DLG5: variants seen among roughly 807,000 people sequenced by gnomAD.
DLG5 encodes the protein disks large homolog 5.
A neutral mutation model predicts 189.8 loss-of-function variants in DLG5; 48 were observed. The ratio of observed to expected loss-of-function variants is 0.25; its 90% confidence interval spans 0.20 to 0.32. The LOEUF (loss-of-function observed/expected upper bound fraction) is 0.32. DLG5 is among the 10% of genes least tolerant of loss of function. DLG5 has a pLI of 1.00. For missense variants in DLG5, 2,160 were observed against 2,544.7 expected (o/e 0.85, Z 3.25); for synonymous variants, 1,016 against 1,054.1 (o/e 0.96, Z 0.70).
chr10:77,806,637 T>C (rs1841485884), intron 26 of DLG5, 121 bp downstream of exon 26: 3 of 1,340,912 alleles, frequency 2.2e-6, no homozygotes, highest in Non-Finnish European at 1.0e-6. Flanking sequence ...GAAGCTAAGA[T>C]AAGAAGCAGA....
intron 27 of DLG5, among the ~76,000 whole-genome samples, chr10:77,803,884 GCAT>G (rs1400398904): frequency 8.3e-6 from 1 of 120,916 alleles, no homozygotes; most frequent in Admixed American, 1.0e-4. Flanking sequence ...TAACAGGTTG[GCAT>G]TTTTTTTTTT....
intron 5 of DLG5, among the ~76,000 whole-genome samples, chr10:77,847,935 A>G (rs576249446): frequency 3.3e-5 from 5 of 152,162 alleles, no homozygotes; most frequent in African/African-American, 1.2e-4. Flanking sequence ...TTGAACTCCT[A>G]GACTCAAGTG....
intron 13 of DLG5, among the ~76,000 whole-genome samples, chr10:77,828,424 T>C (rs546350075): frequency 7.0e-6 from 1 of 142,670 alleles, no homozygotes; most frequent in East Asian, 2.1e-4. Context: ...AAGTCAGAGG[T>C]TGCAGTGAGC....
intron 15 of DLG5, 69 bp downstream of exon 15, chr10:77,821,013 A>T (rs1842318628): frequency 3.3e-6 from 5 of 1,527,484 alleles, no homozygotes; most frequent in Non-Finnish European, 4.4e-6. Flanking sequence ...AGGGCCACTT[A>T]GCAGCCCTCC....
chr10:77,868,097 C>A (rs1564563422), intron 2 of DLG5: 1 of 456,422 alleles, frequency 2.2e-6, no homozygotes, highest in South Asian at 1.5e-5. Flanking sequence ...CGTGGCCTCA[C>A]TGACACTTTG....
intron 1 of DLG5, among the ~76,000 whole-genome samples, chr10:77,883,433 C>T (rs1456343127): frequency 6.6e-6 from 1 of 152,000 alleles, no homozygotes; most frequent in African/African-American, 2.4e-5. Context: ...GTGAAGACAG[C>T]CTGCTGACAC....
In DLG5 at chr10:77,816,601, C is replaced by A; in HGVS notation, c.3975G>T (p.Leu1325Phe). The stretch of plus-strand genomic sequence containing the variant: ...ACGCGGGGTTGACAGCGATTCTGGG[C>A]AATGTGGAGGCTGAGGTCTGGGACT... ...CSQSQTSAST[L>F]PRIAVNPASL... Residue 1325 changes from leucine (L) to phenylalanine (F), a missense_variant, in exon 20 of 32, where the codon TTG becomes TTT. Transcript: ENST00000372391. 6.2e-7 allele frequency: 1 copy of A among 1,614,124 alleles called. No homozygotes were observed. The highest frequency in any genetic ancestry group is 1.6e-4 in the Middle Eastern group (1 of 6,062).
intron 23 of DLG5, 71 bp downstream of exon 23, chr10:77,811,023 A>C: frequency 6.5e-7 from 1 of 1,549,660 alleles, no homozygotes; most frequent in Non-Finnish European, 8.7e-7. Flanking sequence ...TGCCCACGCC[A>C]CTTGGAGAAT....
At chr10:77,882,188 A>C (rs1003207189) in intron 1 of DLG5, among the ~76,000 whole-genome samples, 3 of 152,172 alleles carry the variant, frequency 2.0e-5, no homozygotes, top group Non-Finnish European at 4.4e-5. Flanking sequence ...GGGAGGCACA[A>C]AGTGACCCCA....
chr10:77,871,927 T>A (rs1276991478), intron 1 of DLG5, among the ~76,000 whole-genome samples: 1 of 152,152 alleles, frequency 6.6e-6, no homozygotes, highest in Non-Finnish European at 1.5e-5. Context: ...TAAAGTCAAA[T>A]GCAATTCGGG....
chr10:77,904,415 T>C (rs1427238656), intron 1 of DLG5, among the ~76,000 whole-genome samples: 1 of 152,042 alleles, frequency 6.6e-6, no homozygotes, highest in East Asian at 1.9e-4. Flanking sequence ...GAGGGCATGA[T>C]TGGTTTTGAA....
intron 1 of DLG5, among the ~76,000 whole-genome samples, chr10:77,901,689 A>G (rs1845931854): frequency 6.6e-6 from 1 of 152,180 alleles, no homozygotes; most frequent in African/African-American, 2.4e-5. Flanking sequence ...GGATGCAGCA[A>G]CCCCTGGCAA....
At chr10:77,926,880 G>A (rs1846717861), upstream of DLG5, 1 of 322,064 alleles carries the variant, frequency 3.1e-6, no homozygotes, top group Non-Finnish European at 6.4e-6. This position sits in a 1 kb window ranked among gnomAD's most constrained non-coding sequence, Gnocchi z 5.2. Context: ...CTCCGCGCGC[G>A]CCGCCCGCCC....
rs758571220 is a variant in DLG5 at position 77,819,924 on chromosome 10, G to A, written c.3497C>T (p.Pro1166Leu). 1.2e-6 allele frequency: 2 copies of A among 1,603,176 alleles called. No homozygotes were observed. Among genetic ancestry groups the A allele is most frequent in the Non-Finnish European group, 1.7e-6 (2 of 1,175,070 alleles). The change falls in exon 16 of 32, where the codon CCC becomes CTC. Residue 1166 changes from proline (P) to leucine (L), a missense_variant. Around this residue, in one of 5 missense-constraint regions of DLG5, gnomAD observed 754 missense variants for 746.5 expected, o/e 1.01. Transcript: ENST00000372391. The part of the protein sequence containing the change: ...SPGHSSRHSN[P>L]PLYPSRPSVG... ...AGACGGCCTGCTAGGGTATAGCGGG[G>A]GGTTGCTGTGCCGGCTGGAATGCCC...
chr10:77,792,566 C>A (rs756383324), intron 31 of DLG5, 23 bp from the exon 32 acceptor site: 1 of 1,610,616 alleles, frequency 6.2e-7, no homozygotes, highest in Non-Finnish European at 8.5e-7. Flanking sequence ...CCCCCAGACA[C>A]GTCATTCAGC....
chr10:77,859,880 C>T (rs1473265710), intron 2 of DLG5, among the ~76,000 whole-genome samples: 2 of 152,208 alleles, frequency 1.3e-5, no homozygotes, highest in Non-Finnish European at 2.9e-5. Context: ...TCTGCAGCTT[C>T]GAAGTCTTCC....
chr10:77,802,582 A>C (rs773045165), intron 27 of DLG5, among the ~76,000 whole-genome samples: 1 of 152,250 alleles, frequency 6.6e-6, no homozygotes, highest in Non-Finnish European at 1.5e-5. Flanking sequence ...AAGTATCTGT[A>C]GAATTAAAAT....
At chr10:77,817,355 C>T (rs1250232673) in intron 18 of DLG5, among the ~76,000 whole-genome samples, 7 of 152,208 alleles carry the variant, frequency 4.6e-5, no homozygotes, top group Admixed American at 2.0e-4. Flanking sequence ...CTAAGAGACA[C>T]GGCAGCTGCT....
At chr10:77,860,689 T>C (rs1298000968) in intron 2 of DLG5, among the ~76,000 whole-genome samples, 3 of 152,204 alleles carry the variant, frequency 2.0e-5, no homozygotes, top group Middle Eastern at 3.2e-3. Context: ...ATTTTGCACA[T>C]CAGGAAACAC....
Sources: allele counts gnomAD v4.1 joint callset (sites outside exome capture counted in the v4.1 genomes callset), GRCh38; gene constraint gnomAD v4.1.1; regional missense constraint gnomAD v4.1.1; non-coding constraint Gnocchi (gnomAD v3.1); transcripts MANE v1.5; gene names NCBI Gene and HGNC (gene_info 2026-07-23, HGNC 2026-07-21).